The following OPA1 variants were observed in gnomAD, a reference collection of about 807,000 sequenced individuals.
OPA1 encodes the protein OPA1 mitochondrial dynamin like GTPase.
OPA1 carries 59 observed loss-of-function variants against 152.9 expected under a neutral mutation model. That is an observed-to-expected ratio of 0.39 (90% CI 0.31 to 0.48). The LOEUF (loss-of-function observed/expected upper bound fraction) is 0.48, where lower values mean the gene tolerates loss of function less well. Among genes scored for constraint, OPA1 ranks in the 20% least tolerant of loss-of-function variants. The pLI is 0.96. For missense variants in OPA1, 1,008 were observed against 1,216.8 expected, an observed-to-expected ratio of 0.83 and a Z score of 2.55; for synonymous variants, 400 against 389.9, an observed-to-expected ratio of 1.03 and a Z score of -0.31.
intron 1 of OPA1, among the ~76,000 whole-genome samples, chr3:193,600,373 T>C (rs1262506861): frequency 6.6e-6 from 1 of 152,224 alleles, no homozygotes; most frequent in Admixed American, 6.5e-5. Context: ...AATGATTCTT[T>C]ATGTTCTTGC....
rs1714063108 is a variant in OPA1 at position 193,657,198 on chromosome 3, G to A, written c.2297G>A (p.Arg766Gln). Residue 766 changes from arginine (R) to glutamine (Q), a missense_variant, in exon 23 of 31, where the codon CGA becomes CAA. Arg to Gln is a conservative substitution (Grantham distance 43). Coordinates refer to ENST00000361510, the MANE Select transcript of OPA1 (RefSeq NM_130837.3). ...GCTGTTAAGGAAGAAAGTATTAAAC[G>A]ACACAAGTGGAATGACTTTGCGGAG... ...KEAVKEESIK[R>Q]HKWNDFAEDS... 2 of 1,613,916 alleles carry A rather than the reference G, an allele frequency of 1.2e-6. No individual in the cohort carries two copies. Among genetic ancestry groups the A allele is most frequent in the Non-Finnish European group, 1.7e-6 (2 of 1,179,900 alleles).
intron 6 of OPA1, among the ~76,000 whole-genome samples, chr3:193,619,144 T>C (rs565219778): frequency 6.6e-6 from 1 of 152,240 alleles, no homozygotes; most frequent in Non-Finnish European, 1.5e-5. Flanking sequence ...CTTTCACATA[T>C]GTCCAGTGAA....
chr3:193,690,858 A>T (rs1006351780), intron 29 of OPA1, among the ~76,000 whole-genome samples: 3 of 152,172 alleles, frequency 2.0e-5, no homozygotes, highest in African/African-American at 7.2e-5. Context: ...GATCATTTCC[A>T]CTAATATGTT....
intron 7 of OPA1, among the ~76,000 whole-genome samples, chr3:193,628,950 GTTGC>G (rs1418332852): frequency 6.6e-6 from 1 of 152,058 alleles, no homozygotes; most frequent in Non-Finnish European, 1.5e-5. Context: ...TTTCGCTCTT[GTTGC>G]TTAGGCTAGA....
chr3:193,680,534 C>T (rs1239872140), intron 29 of OPA1, among the ~76,000 whole-genome samples: 1 of 152,196 alleles, frequency 6.6e-6, no homozygotes, highest in African/African-American at 2.4e-5. Context: ...CTTAAAGGAA[C>T]AGAAGGGGCC....
At chr3:193,642,905 A>G (rs1733997729) in intron 12 of OPA1, 60 bp downstream of exon 12, 2 of 1,564,906 alleles carry the variant, frequency 1.3e-6, no homozygotes, top group South Asian at 2.2e-5. Context: ...GAGCTTATAA[A>G]AGACAGTTAA....
At chr3:193,667,082 T>G in intron 28 of OPA1, 88 bp from the exon 29 acceptor site, 1 of 721,022 alleles carries the variant, frequency 1.4e-6, no homozygotes. Context: ...GATAAAAAAT[T>G]TACTCTCCAT....
At chr3:193,681,408 C>T (rs925409102) in intron 29 of OPA1, among the ~76,000 whole-genome samples, 22 of 152,100 alleles carry the variant, frequency 1.4e-4, no homozygotes, top group African/African-American at 5.1e-4. Flanking sequence ...ATATATCCTA[C>T]GCAAAAGATA....
At chr3:193,604,077 G>A (rs1726862545) in intron 1 of OPA1, among the ~76,000 whole-genome samples, 1 of 152,208 alleles carries the variant, frequency 6.6e-6, no homozygotes, top group Non-Finnish European at 1.5e-5. Context: ...TGCAAATTAA[G>A]TTCATTTCCT....
At chr3:193,643,230 A>G in intron 13 of OPA1, 143 bp from the exon 14 acceptor site, 1 of 868,920 alleles carries the variant, frequency 1.2e-6, no homozygotes, top group South Asian at 1.5e-5. Flanking sequence ...TACTTTTAGG[A>G]TCAGAGAAAG....
chr3:193,614,110 C>T lies in OPA1; in HGVS notation c.33-613C>T, dbSNP rs73067653. The T allele has an allele frequency of 5.0e-3, 1,851 of 373,070 alleles. 22 individuals are homozygous for T. Among genetic ancestry groups the T allele is most frequent in the African/African-American group, 0.021 (981 of 47,022 alleles). The allele number at this position is 373,070 out of a possible 1,614,324, so 23.1% of individuals were successfully genotyped here. A position where few individuals can be genotyped will look rare whatever the true frequency, so the allele number is the denominator to read the frequency against. ...TGTACATTTAAATTCTGTTCCCTTT[C>T]GAGCTTTTTTGCTACTTTCATTCTT... On this transcript the variant is annotated intron_variant, in intron 1 of 30. Transcript: ENST00000361510.
chr3:193,659,617 C>G, intron 25 of OPA1, 56 bp downstream of exon 25: 3 of 1,412,934 alleles, frequency 2.1e-6, no homozygotes, highest in Non-Finnish European at 2.0e-6. Context: ...CATTTTAATT[C>G]AGGCATTAAA....
At position 193,695,593 on chromosome 3, in the gene OPA1, A is replaced by C. The variant is rs1233992181; in HGVS notation, c.*993A>C. The C allele has an allele frequency of 6.6e-6, 1 of 152,236 alleles. No homozygotes were observed. The highest frequency in any genetic ancestry group is 1.5e-5 in the Non-Finnish European group (1 of 68,034). 9.4% of individuals were successfully genotyped at this position (152,236 alleles called of 1,614,324 possible). A position where few individuals can be genotyped will look rare whatever the true frequency, so the allele number is the denominator to read the frequency against. ...AATTTAGTTCAATTTATTGCAATTT[A>C]ATTACAATACTACCTTCACAACATT... On this transcript the variant is annotated 3_prime_UTR_variant, in exon 31 of 31. Coordinates refer to ENST00000361510, the MANE Select transcript of OPA1 (RefSeq NM_130837.3).
At chr3:193,687,167 G>C (rs1486827841) in intron 29 of OPA1, among the ~76,000 whole-genome samples, 2 of 152,104 alleles carry the variant, frequency 1.3e-5, no homozygotes, top group African/African-American at 2.4e-5. Context: ...TTCATGTAGA[G>C]ATAAAGAGAC....
intron 21 of OPA1, among the ~76,000 whole-genome samples, chr3:193,651,705 T>G (rs1253182166): frequency 6.6e-6 from 1 of 152,152 alleles, no homozygotes; most frequent in Non-Finnish European, 1.5e-5. Flanking sequence ...ACTTTTAGAT[T>G]TAAAAAAGGG....
chr3:193,683,456 A>T (rs1197924258), intron 29 of OPA1, among the ~76,000 whole-genome samples: 1 of 152,040 alleles, frequency 6.6e-6, no homozygotes, highest in African/African-American at 2.4e-5. Flanking sequence ...TAAAGAAGAA[A>T]AATTTGAGTA....
chr3:193,681,776 G>A (rs1339519240), intron 29 of OPA1, among the ~76,000 whole-genome samples: 1 of 150,602 alleles, frequency 6.6e-6, no homozygotes, highest in Non-Finnish European at 1.5e-5. Context: ...AGCTATTTTG[G>A]GTACCACTAA....
chr3:193,642,932 AAGATTTTCTT>A (rs752245286), intron 12 of OPA1, 33 bp from the exon 13 acceptor site: 431 of 1,585,832 alleles, frequency 2.7e-4, no homozygotes, highest in Non-Finnish European at 3.5e-4. Flanking sequence ...TTTGTGAATT[AAGATTTTCTT>A]AGATTTTCTT....
intron 11 of OPA1, among the ~76,000 whole-genome samples, chr3:193,640,768 G>A (rs987845606): frequency 6.6e-6 from 1 of 152,128 alleles, no homozygotes; most frequent in Non-Finnish European, 1.5e-5. Context: ...TAGCTGGTGG[G>A]GGGTAGGTGT....
Sources: gnomAD v4.1 joint callset for allele counts (sites outside exome capture counted in the v4.1 genomes callset) on GRCh38, gnomAD v4.1.1 for gene constraint, MANE v1.5 for transcripts, NCBI Gene and HGNC (gene_info 2026-07-23, HGNC 2026-07-21) for gene names.